The following TMTC2 variants were observed in gnomAD, a reference collection of about 807,000 sequenced individuals.
TMTC2 encodes the protein protein O-mannosyl-transferase TMTC2.
In TMTC2, 43 loss-of-function variants were observed where a neutral mutation model predicts 82.4. The ratio of observed to expected loss-of-function variants is 0.52; its 90% CI spans 0.41 to 0.67. The LOEUF is 0.67. Ranked by LOEUF, TMTC2 falls within the 30% of genes least tolerant of loss-of-function variation. The pLI is 0.00. For synonymous variants in TMTC2, 408 were observed against 381.9 expected (o/e 1.07, Z -0.80); for missense variants, 919 against 1,012.4 (o/e 0.91, Z 1.25).
intron 1 of TMTC2, among the ~76,000 whole-genome samples, chr12:82,831,691 T>G (rs1340574795): frequency 1.3e-5 from 2 of 152,054 alleles, no homozygotes; most frequent in Non-Finnish European, 2.9e-5. Context: ...GGTGGTGGTG[T>G]TTTAAAAAAG....
intron 11 of TMTC2, among the ~76,000 whole-genome samples, chr12:83,115,078 A>G (rs1421405340): frequency 6.6e-6 from 1 of 152,104 alleles, no homozygotes; most frequent in Non-Finnish European, 1.5e-5. Flanking sequence ...TATTCCAGTG[A>G]CAGGTTCCAA....
chr12:82,858,990 G>A (rs191420751), intron 2 of TMTC2, among the ~76,000 whole-genome samples: 10 of 151,910 alleles, frequency 6.6e-5, no homozygotes, highest in African/African-American at 2.4e-4. Flanking sequence ...CCTTAGGGAG[G>A]TTATGATGTA....
chr12:82,736,548 A>G (rs1875133469), intron 1 of TMTC2, among the ~76,000 whole-genome samples: 1 of 152,188 alleles, frequency 6.6e-6, no homozygotes, highest in Non-Finnish European at 1.5e-5. Flanking sequence ...TGGTTAAGGT[A>G]ATTGCAACCT....
intron 8 of TMTC2, among the ~76,000 whole-genome samples, chr12:82,989,328 A>T (rs1879303765): frequency 6.6e-6 from 1 of 152,050 alleles, no homozygotes; most frequent in African/African-American, 2.4e-5. Context: ...AGAATTGAAG[A>T]TTACCATCTC....
intron 1 of TMTC2, among the ~76,000 whole-genome samples, chr12:82,789,956 T>TA (rs2137020788): frequency 6.6e-6 from 1 of 152,262 alleles, no homozygotes; most frequent in East Asian, 1.9e-4. Context: ...CTCATGCCTG[T>TA]AATCCCATCA....
intron 11 of TMTC2, among the ~76,000 whole-genome samples, chr12:83,118,482 T>G (rs1884842330): frequency 6.6e-6 from 1 of 152,230 alleles, no homozygotes; most frequent in Admixed American, 6.5e-5. Context: ...TGTATTGACT[T>G]GCATATGTTA....
intron 11 of TMTC2, among the ~76,000 whole-genome samples, chr12:83,075,321 A>G (rs562624275): frequency 6.6e-6 from 1 of 152,302 alleles, no homozygotes; most frequent in Non-Finnish European, 1.5e-5. Context: ...ATCTGGAGCT[A>G]AAATTCACAG....
chr12:82,884,734 C>G (rs960165388), intron 2 of TMTC2, among the ~76,000 whole-genome samples: 1 of 152,154 alleles, frequency 6.6e-6, no homozygotes, highest in Admixed American at 6.5e-5. Context: ...GCATTTGTTG[C>G]AATTAATGAC....
intron 1 of TMTC2, among the ~76,000 whole-genome samples, chr12:82,830,348 C>G (rs926272816): frequency 6.6e-6 from 1 of 152,000 alleles, no homozygotes; most frequent in African/African-American, 2.4e-5. Context: ...AGCCCACTCT[C>G]GGTGTCTCTG....
intron 11 of TMTC2, among the ~76,000 whole-genome samples, chr12:83,097,690 A>G (rs1884076768): frequency 6.6e-6 from 1 of 152,248 alleles, no homozygotes; most frequent in Admixed American, 6.5e-5. Context: ...ACATAAGAAA[A>G]TAAAACGTAA....
At chr12:82,741,930 T>C (rs946628406) in intron 1 of TMTC2, among the ~76,000 whole-genome samples, 4 of 152,186 alleles carry the variant, frequency 2.6e-5, no homozygotes, top group African/African-American at 9.7e-5. Context: ...ATGACCAAGA[T>C]GCAAGGAGTT....
rs931121335 is a variant in TMTC2, at chr12:83,037,753, T to A, written c.2152+6874T>A. On this transcript the variant is annotated intron_variant, in intron 9 of 11. Transcript: ENST00000321196. ...CCAAAGGCTTTTATAATTGAAACTT[T>A]CCCATAACTAAAATGGGAACAGGAA... is the stretch of plus-strand genomic sequence containing the variant. Among the ~76,000 whole-genome samples, 9 of 152,172 alleles carry A rather than the reference T, an allele frequency of 5.9e-5. No individual in the cohort carries two copies. The East Asian group carries it at 1.6e-3, about 26-fold the overall frequency.
Position 82,687,496 on chromosome 12 carries a change from G to C in TMTC2, c.-91G>C. ...GGGAAAAGTGAAGCTGGGAGGAGAA[G>C]GCGGCGGAAGGTGGAGATTGATGCT... On this transcript the variant is annotated 5_prime_UTR_variant, in exon 1 of 12. Coordinates refer to ENST00000321196, the MANE Select transcript of TMTC2 (RefSeq NM_152588.3). The C allele has an allele frequency of 8.0e-7, 1 of 1,257,366 alleles. No individual in the cohort carries two copies. The highest frequency in any genetic ancestry group is 1.1e-6 in the Non-Finnish European group (1 of 887,004). 77.9% of individuals were successfully genotyped at this position (1,257,366 alleles called of 1,614,324 possible). A position where few individuals can be genotyped will look rare whatever the true frequency, so the allele number is the denominator to read the frequency against.
chr12:82,890,803 G>A (rs933394189), intron 2 of TMTC2, among the ~76,000 whole-genome samples: 6 of 152,146 alleles, frequency 3.9e-5, no homozygotes, highest in Non-Finnish European at 8.8e-5. Context: ...TTTATGAGAA[G>A]TTCATATCCA....
At chr12:82,756,155 C>G (rs1322368238) in intron 1 of TMTC2, among the ~76,000 whole-genome samples, 1 of 152,012 alleles carries the variant, frequency 6.6e-6, no homozygotes, top group Middle Eastern at 3.2e-3. Context: ...TGGGTATGTT[C>G]TACTTTGTTT....
At chr12:82,768,045 C>G (rs1329663382) in intron 1 of TMTC2, among the ~76,000 whole-genome samples, 2 of 152,218 alleles carry the variant, frequency 1.3e-5, no homozygotes, top group African/African-American at 4.8e-5. Context: ...CTTTACCTAT[C>G]AAGAGGTCTG....
chr12:82,750,818 G>A (rs1167546239), intron 1 of TMTC2, among the ~76,000 whole-genome samples: 1 of 152,060 alleles, frequency 6.6e-6, no homozygotes, highest in Admixed American at 6.6e-5. Flanking sequence ...CTAAATTCTG[G>A]GAGAGCATTT....
At chr12:82,715,773 G>A (rs1256719362) in intron 1 of TMTC2, among the ~76,000 whole-genome samples, 3 of 152,112 alleles carry the variant, frequency 2.0e-5, no homozygotes, top group Non-Finnish European at 4.4e-5. Flanking sequence ...GAAGCTGCCC[G>A]TTCAGTTCAG....
intron 9 of TMTC2, 90 bp from the exon 10 acceptor site, chr12:83,050,814 T>C: frequency 1.3e-6 from 1 of 745,914 alleles, no homozygotes; most frequent in South Asian, 2.0e-5. Context: ...TCAAATCACC[T>C]TTACCACTGT....
Sources: gnomAD v4.1 joint callset for allele counts (sites outside exome capture counted in the v4.1 genomes callset) on GRCh38, gnomAD v4.1.1 for gene constraint, MANE v1.5 for transcripts, NCBI Gene and HGNC (gene_info 2026-07-23, HGNC 2026-07-21) for gene names.